Variants in KIF16B observed in about 807,000 individuals in gnomAD.
KIF16B encodes the protein kinesin family member 16B.
In KIF16B, 98 loss-of-function variants were observed where a neutral mutation model predicts 156.3. The ratio of observed to expected loss-of-function variants is 0.63; its 90% CI spans 0.53 to 0.74. The LOEUF (loss-of-function observed/expected upper bound fraction) is 0.74. Among genes scored for constraint, KIF16B ranks in the 30% least tolerant of loss-of-function variants. KIF16B has a pLI of 0.00. For missense variants in KIF16B, 1,421 were observed against 1,606.5 expected (o/e 0.88, Z 1.97); for synonymous variants, 564 against 583.7 (o/e 0.97, Z 0.49).
chr20:16,298,063 C>T (rs1300703427), intron 25 of KIF16B, among the ~76,000 whole-genome samples: 2 of 152,190 alleles, frequency 1.3e-5, no homozygotes, highest in Non-Finnish European at 2.9e-5. Context: ...TGGAATCTGG[C>T]TTTTCCTTCC....
At chr20:16,273,452 G>T in intron 25 of KIF16B, 41 bp from the exon 26 acceptor site, 1 of 1,582,520 alleles carries the variant, frequency 6.3e-7, no homozygotes, top group Middle Eastern at 1.7e-4. Context: ...TCAATTGGGA[G>T]GTCAAGGCGG....
At chr20:16,457,895 AG>A (rs1318964032) in intron 12 of KIF16B, among the ~76,000 whole-genome samples, 1 of 151,834 alleles carries the variant, frequency 6.6e-6, no homozygotes, top group Admixed American at 6.6e-5. Flanking sequence ...CTTTTTGAGA[AG>A]AAAAAAAAAA....
intron 25 of KIF16B, among the ~76,000 whole-genome samples, chr20:16,273,857 C>T (rs553092988): frequency 2.5e-4 from 38 of 152,250 alleles, no homozygotes; most frequent in South Asian, 1.7e-3. Flanking sequence ...CCAGAGAAGA[C>T]GGAGTCACAA....
At chr20:16,280,012 C>T (rs1243721427) in intron 25 of KIF16B, among the ~76,000 whole-genome samples, 1 of 152,186 alleles carries the variant, frequency 6.6e-6, no homozygotes, top group Non-Finnish European at 1.5e-5. Flanking sequence ...CTGCTACATG[C>T]TATTCCATTT....
chr20:16,366,862 A>G, intron 22 of KIF16B: 1 of 1,133,546 alleles, frequency 8.8e-7, no homozygotes. Context: ...AAATGCTTTA[A>G]TCACCTCACA....
At chr20:16,446,094 C>T (rs1003375527) in intron 12 of KIF16B, among the ~76,000 whole-genome samples, 1 of 152,052 alleles carries the variant, frequency 6.6e-6, no homozygotes, top group African/African-American at 2.4e-5. Context: ...CTTCAATGTC[C>T]CATAAAAAGT....
intron 25 of KIF16B, 60 bp from the exon 26 acceptor site, chr20:16,273,471 G>C: frequency 6.8e-7 from 1 of 1,461,628 alleles, no homozygotes; most frequent in Non-Finnish European, 9.6e-7. Flanking sequence ...GGGTGGGATC[G>C]CTTGAGCTCA....
At chr20:16,405,701 A>T (rs1433486739) in intron 16 of KIF16B, among the ~76,000 whole-genome samples, 1 of 152,150 alleles carries the variant, frequency 6.6e-6, no homozygotes, top group African/African-American at 2.4e-5. Flanking sequence ...TGGGGGTGAT[A>T]GCATGGGGGT....
intron 12 of KIF16B, among the ~76,000 whole-genome samples, chr20:16,480,074 T>TATA (rs2067936573): frequency 6.6e-6 from 1 of 152,176 alleles, no homozygotes; most frequent in Non-Finnish European, 1.5e-5. Flanking sequence ...GCTGGAGGTA[T>TATA]GGGTGTGCTT....
At chr20:16,302,623 T>C (rs1443441017) in intron 25 of KIF16B, among the ~76,000 whole-genome samples, 3 of 152,184 alleles carry the variant, frequency 2.0e-5, no homozygotes, top group African/African-American at 7.2e-5. Context: ...CAGTGTTGAG[T>C]CTTCCTACCC....
chr20:16,463,548 A>G (rs2067405964), intron 12 of KIF16B, among the ~76,000 whole-genome samples: 1 of 152,212 alleles, frequency 6.6e-6, no homozygotes, highest in African/African-American at 2.4e-5. Context: ...ACAGTTTTCT[A>G]CACACAAACA....
Position 16,480,986 on chromosome 20 carries a change from T to C in KIF16B, c.1302+13305A>G, listed in dbSNP as rs540131140. ...ATTTGATTCTATGAACCTACAACCA[T>C]GCAATAAACATGGAGAGATGTGTTT... On this transcript the variant is annotated intron_variant, in intron 12 of 25. Transcript: ENST00000354981. Among the ~76,000 whole-genome samples, 331 of 152,276 alleles carry C rather than the reference T, an allele frequency of 2.2e-3. 1 individual carries two copies. The highest frequency in any genetic ancestry group is 7.1e-3 in the African/African-American group (293 of 41,560).
intron 12 of KIF16B, among the ~76,000 whole-genome samples, chr20:16,436,164 C>T (rs533727719): frequency 7.9e-5 from 12 of 152,076 alleles, no homozygotes; most frequent in African/African-American, 2.4e-4. Context: ...TATGCTTAGG[C>T]GTATCTGTGC....
At chr20:16,561,485 T>A (rs2071060239) in intron 1 of KIF16B, among the ~76,000 whole-genome samples, 1 of 152,214 alleles carries the variant, frequency 6.6e-6, no homozygotes, top group Non-Finnish European at 1.5e-5. Context: ...TTTTAAATAG[T>A]TCTTATATTC....
intron 1 of KIF16B, among the ~76,000 whole-genome samples, chr20:16,534,652 A>T (rs189025308): frequency 1.4e-3 from 213 of 152,320 alleles, no homozygotes; most frequent in Non-Finnish European, 2.2e-3. Flanking sequence ...CAGGTCTTAC[A>T]TTAAAGTGTT....
At chr20:16,292,663 A>G (rs1361614308) in intron 25 of KIF16B, among the ~76,000 whole-genome samples, 6 of 152,228 alleles carry the variant, frequency 3.9e-5, no homozygotes, top group Admixed American at 3.3e-4. Flanking sequence ...ATGTTGATAC[A>G]AACAATGAGC....
At chr20:16,299,183 T>C (rs1307952889) in intron 25 of KIF16B, among the ~76,000 whole-genome samples, 1 of 152,096 alleles carries the variant, frequency 6.6e-6, no homozygotes. Flanking sequence ...GATGAAATAA[T>C]ATGATGCCTG....
chr20:16,348,426 C>A (rs1600183086), intron 23 of KIF16B, among the ~76,000 whole-genome samples: 2 of 152,210 alleles, frequency 1.3e-5, no homozygotes, highest in East Asian at 3.9e-4. Flanking sequence ...ATACTACCCC[C>A]ATTTTGGTAC....
chr20:16,486,743 T>C (rs1175285989), intron 12 of KIF16B, among the ~76,000 whole-genome samples: 1 of 152,168 alleles, frequency 6.6e-6, no homozygotes, highest in African/African-American at 2.4e-5. Context: ...TTTCTATCTT[T>C]AGAATGGCGA....
Sources: gnomAD v4.1 joint callset for allele counts (sites outside exome capture counted in the v4.1 genomes callset) on GRCh38, gnomAD v4.1.1 for gene constraint, MANE v1.5 for transcripts, NCBI Gene and HGNC (gene_info 2026-07-23, HGNC 2026-07-21) for gene names.